CSN2: variants seen among roughly 807,000 people sequenced by gnomAD.
CSN2 encodes casein beta, also known as beta-casein.
A neutral mutation model predicts 27.3 loss-of-function variants in CSN2; 27 were observed. That is an observed-to-expected ratio of 0.99 (90% CI 0.73 to 1.36). CSN2 has a LOEUF of 1.36. Ranked by LOEUF, CSN2 falls within the 40% of genes most tolerant of loss-of-function variation. The pLI is 0.00. For missense variants in CSN2, 333 were observed against 264.5 expected, an observed-to-expected ratio of 1.26 and a Z score of -1.80; for synonymous variants, 131 against 94.8, an observed-to-expected ratio of 1.38 and a Z score of -2.22.
chr4:69,959,279 G>T (rs1370598305), intron 3 of CSN2, among the ~76,000 whole-genome samples: 1 of 151,788 alleles, frequency 6.6e-6, no homozygotes, highest in Non-Finnish European at 1.5e-5. Flanking sequence ...ACAAAAAAAA[G>T]CAATTAATAG....
At chr4:69,961,438 C>T (rs1005341410) in intron 1 of CSN2, among the ~76,000 whole-genome samples, 3 of 152,094 alleles carry the variant, frequency 2.0e-5, no homozygotes, top group African/African-American at 4.8e-5. Context: ...ATACGAAAAT[C>T]AATAAATGTA....
In CSN2 at chr4:69,960,883, T is replaced by C. The variant is rs957923741; in HGVS notation, c.51+62A>G. On this transcript the variant is annotated intron_variant, in intron 2 of 7. Coordinates refer to ENST00000353151, the MANE Select transcript of CSN2 (RefSeq NM_001891.4). ...AAAAAATGTTGGTGATGTTATTCTC[T>C]ACAAATAAGCATATAGTCCACTATT... The C allele has an allele frequency of 3.8e-6, 5 of 1,303,372 alleles. No individual in the cohort carries two copies. The African/African-American group carries it at 7.3e-5, about 19-fold the overall frequency. The allele number at this position is 1,303,372 out of a possible 1,614,324, so 80.7% of individuals were successfully genotyped here. A position where few individuals can be genotyped will look rare whatever the true frequency, so the allele number is the denominator to read the frequency against.
rs761107327 is a variant in CSN2, at chr4:69,961,003, A to C, written c.-8T>G. Reference sequence around the variant, plus strand: ...GAGGATGAGGACCTTCATGGCTACTAAGTCCTGTGAATGTAGAAAAAATGG... The same window carrying C: ...GAGGATGAGGACCTTCATGGCTACTCAGTCCTGTGAATGTAGAAAAAATGG... On this transcript the variant is annotated 5_prime_UTR_variant, in exon 2 of 8. Coordinates refer to ENST00000353151, the MANE Select transcript of CSN2 (RefSeq NM_001891.4). 5.6e-6 allele frequency: 9 copies of C among 1,611,132 alleles called. No homozygotes were observed. In the African/African-American group the frequency reaches 1.2e-4, roughly 22 times the overall value.
chr4:69,956,395 AG>A (rs1473991806), intron 6 of CSN2, 40 bp from the exon 7 acceptor site: 1 of 1,326,938 alleles, frequency 7.5e-7, no homozygotes, highest in African/African-American at 1.5e-5. Flanking sequence ...ATAACCTCTT[AG>A]TAAGAAAACT....
Position 69,957,785 on chromosome 4 carries a change from A to G in CSN2, c.164T>C (p.Ile55Thr). 6.2e-7 allele frequency: 1 copy of G among 1,613,036 alleles called. No homozygotes were observed. The highest frequency in any genetic ancestry group is 2.2e-5 in the East Asian group (1 of 44,842). Residue 55 changes from isoleucine to threonine, a missense_variant, in exon 6 of 8, where the codon ATC becomes ACC. Physicochemically the swap from Ile to Thr is moderately conservative, Grantham distance 89. Transcript: ENST00000353151. ...AGGCTGTGGCTGGAAAGAGGGGTAG[A>G]TTTTATCCTGGTGTTCATCCTGGAA... is the stretch of plus-strand genomic sequence containing the variant. ...QQGEDEHQDK[I>T]YPSFQPQPLI...
At chr4:69,956,272 T>C in intron 7 of CSN2, 42 bp downstream of exon 7, 1 of 1,272,522 alleles carries the variant, frequency 7.9e-7, no homozygotes, top group Non-Finnish European at 1.0e-6. Flanking sequence ...AGACATCATG[T>C]ATAAAAATGA....
intron 1 of CSN2, among the ~76,000 whole-genome samples, chr4:69,964,734 C>T (rs991954880): frequency 1.3e-5 from 2 of 149,988 alleles, no homozygotes; most frequent in African/African-American, 2.4e-5. Context: ...GTAATATAAA[C>T]TTTACTAGTT....
intron 1 of CSN2, among the ~76,000 whole-genome samples, chr4:69,963,407 T>C (rs1424636306): frequency 1.3e-5 from 2 of 151,846 alleles, no homozygotes; most frequent in African/African-American, 4.8e-5. Context: ...TATGCAGCCA[T>C]AAAAAATGAT....
chr4:69,962,815 A>C (rs1182339775), intron 1 of CSN2, among the ~76,000 whole-genome samples: 1 of 152,242 alleles, frequency 6.6e-6, no homozygotes, highest in Non-Finnish European at 1.5e-5. Context: ...AGAATGAGAG[A>C]AAATTTTTGC....
chr4:69,957,748 T>A lies in CSN2; in HGVS notation c.201A>T (p.Pro67=). 6.2e-7 allele frequency: 1 copy of A among 1,613,922 alleles called. No individual in the cohort carries two copies. Among genetic ancestry groups the A allele is most frequent in the Middle Eastern group, 1.7e-4 (1 of 6,054 alleles). Reference sequence around the variant, plus strand: ...AACCATAGGGGATAGGTTCAACGAATGGATAGATCAGAGGCTGTGGCTGGA... The same window carrying A: ...AACCATAGGGGATAGGTTCAACGAAAGGATAGATCAGAGGCTGTGGCTGGA... ...PSFQPQPLIY[P]FVEPIPYGFL... Residue 67 remains proline (P), a synonymous_variant, in exon 6 of 8, where the codon CCA becomes CCT. Transcript: ENST00000353151.
chr4:69,959,982 C>T, intron 3 of CSN2, 71 bp downstream of exon 3: 2 of 1,372,534 alleles, frequency 1.5e-6, no homozygotes, highest in South Asian at 1.2e-5. Context: ...AGCTTAACTG[C>T]CATGATGTAA....
chr4:69,965,432 A>ATT (rs1269572861), intron 1 of CSN2, among the ~76,000 whole-genome samples: 15 of 144,516 alleles, frequency 1.0e-4, no homozygotes, highest in Admixed American at 8.3e-4. Flanking sequence ...ATATATATAT[A>ATT]TATATATATA....
chr4:69,956,803 T>C (rs770818350), intron 6 of CSN2, among the ~76,000 whole-genome samples: 6 of 152,186 alleles, frequency 3.9e-5, no homozygotes, highest in Non-Finnish European at 8.8e-5. Flanking sequence ...ATTCATGCAA[T>C]AGTTTTTTTC....
At chr4:69,956,634 A>G (rs986648805) in intron 6 of CSN2, among the ~76,000 whole-genome samples, 5 of 152,190 alleles carry the variant, frequency 3.3e-5, no homozygotes, top group African/African-American at 1.2e-4. Context: ...CAAGATGTGA[A>G]GTAAGGCTTG....
At chr4:69,958,582 T>C (rs1000325488) in intron 5 of CSN2, among the ~76,000 whole-genome samples, 2 of 152,076 alleles carry the variant, frequency 1.3e-5, no homozygotes, top group East Asian at 1.9e-4. Flanking sequence ...CACCTTTTCA[T>C]TACCATATCC....
intron 2 of CSN2, 91 bp downstream of exon 2, chr4:69,960,854 C>T: frequency 2.1e-6 from 2 of 970,782 alleles, no homozygotes; most frequent in Non-Finnish European, 3.3e-6. Context: ...ATTATTTATA[C>T]AGTAAAAAAT....
intron 2 of CSN2, 83 bp from the exon 3 acceptor site, chr4:69,960,162 C>G (rs929065899): frequency 3.8e-6 from 5 of 1,315,174 alleles, no homozygotes; most frequent in Non-Finnish European, 5.4e-6. Flanking sequence ...TAAATTTTCT[C>G]TAAAAAAATA....
At chr4:69,961,088 A>G (rs193156979) in intron 1 of CSN2, 81 bp from the exon 2 acceptor site, 1 of 849,830 alleles carries the variant, frequency 1.2e-6, no homozygotes, top group South Asian at 1.7e-5. Context: ...TACTTTTTAT[A>G]AAACAAAAAA....
intron 2 of CSN2, among the ~76,000 whole-genome samples, 200 bp downstream of exon 2, chr4:69,960,745 G>A (rs1472978877): frequency 6.6e-6 from 1 of 152,008 alleles, no homozygotes; most frequent in Non-Finnish European, 1.5e-5. Flanking sequence ...GCAGCACATT[G>A]GTGCAGGAAG....
Sources: allele counts gnomAD v4.1 joint callset (sites outside exome capture counted in the v4.1 genomes callset), GRCh38; gene constraint gnomAD v4.1.1; transcripts MANE v1.5; gene names NCBI Gene and HGNC (gene_info 2026-07-23, HGNC 2026-07-21).